Variants in PREX1 observed in about 807,000 individuals in gnomAD.
PREX1 encodes the protein phosphatidylinositol-3,4,5-trisphosphate dependent Rac exchange factor 1.
PREX1 carries 41 observed loss-of-function variants against 198.3 expected under a neutral mutation model. That is an observed-to-expected ratio of 0.21 (90% CI 0.16 to 0.27). The LOEUF is 0.27. Ranked by LOEUF, PREX1 falls within the 10% of genes least tolerant of loss-of-function variation. PREX1 has a pLI of 1.00. For missense variants in PREX1, 1,620 were observed against 2,200.7 expected, an observed-to-expected ratio of 0.74 and a Z score of 5.28; for synonymous variants, 843 against 887.2, an observed-to-expected ratio of 0.95 and a Z score of 0.89.
chr20:48,690,800 G>A (rs2089814945), intron 9 of PREX1, 147 bp downstream of exon 9: 4 of 1,155,126 alleles, frequency 3.5e-6, no homozygotes, highest in Middle Eastern at 3.0e-4. Flanking sequence ...TAGTCCCAGA[G>A]CTCCCTGTCC....
At chr20:48,780,238 A>G (rs1482976700) in intron 1 of PREX1, among the ~76,000 whole-genome samples, 1 of 152,226 alleles carries the variant, frequency 6.6e-6, no homozygotes, top group Non-Finnish European at 1.5e-5. Context: ...AGGGGTCCTT[A>G]AAGAACTGGT....
intron 15 of PREX1, among the ~76,000 whole-genome samples, chr20:48,662,372 C>T (rs1165689989): frequency 6.6e-6 from 1 of 152,238 alleles, no homozygotes; most frequent in Non-Finnish European, 1.5e-5. Context: ...CTACCAACCT[C>T]AATACCTTTC....
At chr20:48,724,319 G>A (rs186025932) in intron 5 of PREX1, among the ~76,000 whole-genome samples, 1 of 152,302 alleles carries the variant, frequency 6.6e-6, no homozygotes, top group Admixed American at 6.5e-5. Flanking sequence ...TTGCTGAGTT[G>A]CCGTTAGAAC....
intron 32 of PREX1, 85 bp from the exon 33 acceptor site, chr20:48,634,860 T>C (rs2089350095): frequency 8.3e-7 from 1 of 1,206,058 alleles, no homozygotes; most frequent in African/African-American, 1.5e-5. Flanking sequence ...TCAACTCTAG[T>C]CGGCACTCCA....
the PREX1 span, among the ~76,000 whole-genome samples, chr20:48,838,775 C>T: frequency 1.3e-5 from 2 of 151,954 alleles, no homozygotes; most frequent in Non-Finnish European, 2.9e-5. Context: ...TGCCTGTAAT[C>T]CCAGAACTTT....
chr20:48,828,735 C>A (rs2090525558), upstream of PREX1, among the ~76,000 whole-genome samples: 1 of 152,252 alleles, frequency 6.6e-6, no homozygotes, highest in African/African-American at 2.4e-5. Flanking sequence ...TGACCCTGCC[C>A]TTTCCACCTT....
intron 1 of PREX1, among the ~76,000 whole-genome samples, chr20:48,806,063 G>A (rs1211448106): frequency 6.6e-6 from 1 of 152,186 alleles, no homozygotes; most frequent in South Asian, 2.1e-4. Context: ...ACTGTAGGAC[G>A]TTCAGCAGCA....
At chr20:48,627,741 G>T in intron 38 of PREX1, 120 bp downstream of exon 38, 1 of 1,399,220 alleles carries the variant, frequency 7.1e-7, no homozygotes, top group Non-Finnish European at 9.9e-7. Context: ...CTCCCCTCCA[G>T]ATTCAGAGAA....
chr20:48,650,860 T>C (rs1275577135), intron 23 of PREX1, 34 bp downstream of exon 23: 25 of 1,610,428 alleles, frequency 1.6e-5, no homozygotes, highest in Non-Finnish European at 2.0e-5. Context: ...GTCTGGGACC[T>C]GTGGCAGAGA....
intron 5 of PREX1, among the ~76,000 whole-genome samples, chr20:48,720,848 T>C (rs572808309): frequency 6.6e-6 from 1 of 152,230 alleles, no homozygotes; most frequent in African/African-American, 2.4e-5. Flanking sequence ...ACAAGGTCCT[T>C]GCGCTGCACT....
At chr20:48,887,348 G>A in the PREX1 span, among the ~76,000 whole-genome samples, 3 of 152,268 alleles carry the variant, frequency 2.0e-5, no homozygotes, top group Admixed American at 6.5e-5. Flanking sequence ...CAAGGCATGC[G>A]GATCACTTTG....
At chr20:48,628,012 T>G (rs1164677410) in intron 37 of PREX1, 49 bp from the exon 38 acceptor site, 1,156 of 737,570 alleles carry the variant, frequency 1.6e-3, no homozygotes, top group Non-Finnish European at 2.4e-3. Context: ...GGGACAGGGG[T>G]CGGGGGAGGA....
chr20:48,810,408 C>A (rs969410121), intron 1 of PREX1, among the ~76,000 whole-genome samples: 10 of 151,200 alleles, frequency 6.6e-5, no homozygotes, highest in African/African-American at 1.7e-4. Context: ...CATAGTGAGA[C>A]CCTTATCTCT....
the PREX1 span, among the ~76,000 whole-genome samples, chr20:48,833,520 C>A: frequency 6.6e-6 from 1 of 150,502 alleles, no homozygotes; most frequent in Non-Finnish European, 1.5e-5. Context: ...CGGCTCACTG[C>A]AACCTCAGCC....
intron 2 of PREX1, among the ~76,000 whole-genome samples, chr20:48,745,398 C>A (rs1278470973): frequency 6.6e-6 from 1 of 152,182 alleles, no homozygotes; most frequent in African/African-American, 2.4e-5. Flanking sequence ...AATCTAATCC[C>A]CACTGTAAAT....
At chr20:48,727,987 C>T (rs1182755244) in intron 4 of PREX1, among the ~76,000 whole-genome samples, 1 of 152,192 alleles carries the variant, frequency 6.6e-6, no homozygotes, top group Non-Finnish European at 1.5e-5. Context: ...TCACTATGTG[C>T]CCATTATGTG....
chr20:48,836,902 C>CAAA, the PREX1 span, among the ~76,000 whole-genome samples: 41 of 56,040 alleles, frequency 7.3e-4, no homozygotes, highest in East Asian at 1.2e-3. Flanking sequence ...ACTCTGTCTC[C>CAAA]AAAAAAAAAA....
Position 48,675,186 on chromosome 20 carries a change from T to C in PREX1, c.1665+1007A>G, listed in dbSNP as rs554066127. ...GAGTCAGGAGGGCATTAGGCATCCC[T>C]TAGAAATGGGTGTGACGCAGGGAGT... On this transcript the variant is annotated intron_variant, in intron 14 of 39. Coordinates refer to ENST00000371941, the MANE Select transcript of PREX1 (RefSeq NM_020820.4). Among the ~76,000 whole-genome samples the C allele has an allele frequency of 2.0e-5, 3 of 152,336 alleles. 1 individual carries two copies. Among genetic ancestry groups the C allele is most frequent in the African/African-American group, 7.2e-5 (3 of 41,582 alleles).
In PREX1 at chr20:48,630,799, G is replaced by A. The variant is rs779210055; in HGVS notation, c.4527-5C>T. 29 of 1,568,552 alleles carry A rather than the reference G, an allele frequency of 1.8e-5. No individual in the cohort carries two copies. Among genetic ancestry groups the A allele is most frequent in the East Asian group, 4.5e-5 (2 of 44,642 alleles). On this transcript the variant is annotated splice_region_variant and splice_polypyrimidine_tract_variant and intron_variant, in intron 35 of 39. Transcript: ENST00000371941. ...GACCGCTCCAGGTAAAATGCCCTGC[G>A]AGAGAAAGATGGGAATGAGGCGGGG... is the stretch of plus-strand genomic sequence containing the variant.
Sources: gnomAD v4.1 joint callset for allele counts (sites outside exome capture counted in the v4.1 genomes callset) on GRCh38, gnomAD v4.1.1 for gene constraint, MANE v1.5 for transcripts, NCBI Gene and HGNC (gene_info 2026-07-23, HGNC 2026-07-21) for gene names.